The following GGA3 variants were observed in gnomAD, a reference collection of about 807,000 sequenced individuals.
GGA3 encodes golgi associated, gamma adaptin ear containing, ARF binding protein 3, also known as ADP-ribosylation factor-binding protein GGA3.
Under a neutral mutation model 77.5 loss-of-function variants are expected in GGA3, and 57 were observed. The observed-to-expected ratio is 0.74, with a 90% CI of 0.59 to 0.92. The LOEUF (loss-of-function observed/expected upper bound fraction) is 0.92. Among genes scored for constraint, GGA3 ranks in the 40% least tolerant of loss-of-function variants. The probability of loss-of-function intolerance (pLI) is 0.00; values close to 1 mark genes in which losing one functional copy is unlikely to be tolerated. For synonymous variants in GGA3, 416 were observed against 383.7 expected (o/e 1.08, Z -0.98); for missense variants, 970 against 914.9 (o/e 1.06, Z -0.78).
chr17:75,238,112 G>T lies in GGA3; in HGVS notation c.*167C>A. On this transcript the variant is annotated 3_prime_UTR_variant, in exon 17 of 17. Transcript: ENST00000537686. The stretch of plus-strand genomic sequence containing the variant: ...GGTCCTTTTAGGGGCCAAAGGAGAG[G>T]TTATCACAGCAGCAGTTTGGTTCTC... 3.5e-6 allele frequency: 5 copies of T among 1,417,300 alleles called. No homozygotes were observed. Among genetic ancestry groups the T allele is most frequent in the Non-Finnish European group, 4.6e-6 (5 of 1,089,180 alleles). 87.8% of individuals were successfully genotyped at this position (1,417,300 alleles called of 1,614,324 possible).
chr17:75,241,281 A>G, intron 10 of GGA3, 119 bp downstream of exon 10: 1 of 787,154 alleles, frequency 1.3e-6, no homozygotes, highest in Non-Finnish European at 2.1e-6. Context: ...TGGAATGGCA[A>G]AGAACTCCCT....
chr17:75,249,574 G>A (rs1194653011), intron 1 of GGA3, among the ~76,000 whole-genome samples: 1 of 152,186 alleles, frequency 6.6e-6, no homozygotes. Context: ...AGGCATTAGC[G>A]TAGCTCTGTT....
chr17:75,259,189 C>G (rs1222740031), intron 1 of GGA3, among the ~76,000 whole-genome samples: 1 of 152,076 alleles, frequency 6.6e-6, no homozygotes. Flanking sequence ...CTCCTGACCT[C>G]GTGATCCACC....
chr17:75,246,881 T>A, intron 1 of GGA3, 85 bp from the exon 2 acceptor site: 1 of 1,040,354 alleles, frequency 9.6e-7, no homozygotes, highest in Non-Finnish European at 1.5e-6. Flanking sequence ...TTTTAAGCAC[T>A]AAGAGTTTGC....
rs370943364 is a variant in GGA3, at chr17:75,240,420, T to C, written c.1193-8A>G. ...GGGCTGGGTCGGCGAGGCCTGACAA[T>C]AGAGAAGAAAACAGGATGAGAAGAG... On this transcript the variant is annotated splice_polypyrimidine_tract_variant and splice_region_variant and intron_variant, in intron 11 of 16. Transcript: ENST00000537686. 3.4e-5 allele frequency: 54 copies of C among 1,578,980 alleles called. 1 individual carries two copies. Among genetic ancestry groups the C allele is most frequent in the South Asian group, 4.6e-5 (4 of 86,930 alleles).
In GGA3 at chr17:75,246,713, C is replaced by CT; in HGVS notation, c.123dup (p.Gly42ArgfsTer41). 1.2e-6 allele frequency: 2 copies of CT among 1,613,190 alleles called. No individual in the cohort carries two copies. The highest frequency in any genetic ancestry group is 1.7e-6 in the Non-Finnish European group (2 of 1,179,122). ...TGCCCCCACAGTGCTGAGACTCACC[C>CT]TTCCAGCTCCTTGTTGATCTGATCA... is the stretch of plus-strand genomic sequence containing the variant. On this transcript the variant is annotated frameshift_variant and splice_region_variant, in exon 2 of 17. Coordinates refer to ENST00000537686, the MANE Select transcript of GGA3 (RefSeq NM_138619.4). LOFTEE classifies it high-confidence loss of function.
chr17:75,243,372 C>CA, intron 5 of GGA3, 75 bp downstream of exon 5: 2 of 1,584,760 alleles, frequency 1.3e-6, no homozygotes, highest in Non-Finnish European at 1.7e-6. Flanking sequence ...CTGGGGATCC[C>CA]AAACCTTCCC....
rs60470087 is a variant in GGA3 at position 75,257,288 on chromosome 17, C to CCCCCA, written c.40+4259_40+4260insTGGGG. ...ACCAACTTAGACTGTGCCCCCCCCC[C>CCCCCA]CAAAAAAAACCTGTCATCATCCCTA... is the stretch of plus-strand genomic sequence containing the variant. On this transcript the variant is annotated intron_variant, in intron 1 of 16. Coordinates refer to ENST00000537686, the MANE Select transcript of GGA3 (RefSeq NM_138619.4). Among the ~76,000 whole-genome samples, 56 of 133,478 alleles carry CCCCCA rather than the reference C, an allele frequency of 4.2e-4. 1 individual carries two copies. The highest frequency in any genetic ancestry group is 3.0e-3 in the Admixed American group (38 of 12,638). 87.6% of individuals were successfully genotyped at this position (133,478 alleles called of 152,430 possible).
chr17:75,246,118 A>C (rs1487454822), intron 3 of GGA3, among the ~76,000 whole-genome samples: 3 of 152,200 alleles, frequency 2.0e-5, no homozygotes, highest in African/African-American at 7.2e-5. Flanking sequence ...CTACAGAATG[A>C]ACTGGACCGA....
intron 1 of GGA3, among the ~76,000 whole-genome samples, chr17:75,253,573 G>T (rs1229721617): frequency 6.6e-6 from 1 of 151,962 alleles, no homozygotes; most frequent in Non-Finnish European, 1.5e-5. Context: ...CTGCATTTCT[G>T]GGGGAGGGGC....
chr17:75,237,212 G>A lies in GGA3; in HGVS notation c.*1067C>T, dbSNP rs915256548. ...TGGTGACTCAGCTCAAGTGTGGCCC[G>A]ATCTCATCACCTCCAGACCCAACAT... On this transcript the variant is annotated 3_prime_UTR_variant, in exon 17 of 17. Transcript: ENST00000537686. 2.1e-5 allele frequency: 12 copies of A among 576,076 alleles called. No homozygotes were observed. Among genetic ancestry groups the A allele is most frequent in the African/African-American group, 3.7e-5 (2 of 53,412 alleles). The allele number at this position is 576,076 out of a possible 1,614,324, so 35.7% of individuals were successfully genotyped here.
In GGA3 at chr17:75,239,899, G is replaced by T. The variant is rs775770012; in HGVS notation, c.1473C>A (p.Ala491=). 1 of 1,613,544 alleles carries T rather than the reference G, an allele frequency of 6.2e-7. No homozygotes were observed. Among genetic ancestry groups the T allele is most frequent in the Non-Finnish European group, 8.5e-7 (1 of 1,179,740 alleles). Residue 491 remains alanine, a synonymous_variant, in exon 13 of 17, where the codon GCC becomes GCA. Coordinates refer to ENST00000537686, the MANE Select transcript of GGA3 (RefSeq NM_138619.4). ...SSLFSTGVAP[A]LAPKVEPAVP... ...CTGCGGGCTCAACTTTTGGGGCCAAGGCTGGGGCCACTCCAGTAGAAAACA... is the reference window on the plus strand; with the variant it reads ...CTGCGGGCTCAACTTTTGGGGCCAATGCTGGGGCCACTCCAGTAGAAAACA...
intron 3 of GGA3, among the ~76,000 whole-genome samples, chr17:75,245,759 G>A (rs567551643): frequency 1.4e-4 from 21 of 152,044 alleles, no homozygotes; most frequent in Non-Finnish European, 2.6e-4. Flanking sequence ...TCCCTTAAGC[G>A]ATCCTCCCGG....
At chr17:75,250,216 C>A (rs1206709948) in intron 1 of GGA3, among the ~76,000 whole-genome samples, 1 of 152,232 alleles carries the variant, frequency 6.6e-6, no homozygotes, top group Non-Finnish European at 1.5e-5. Flanking sequence ...AGGTGACACC[C>A]GAGCTTCCCC....
At chr17:75,254,048 G>A (rs2077059948) in intron 1 of GGA3, among the ~76,000 whole-genome samples, 1 of 152,152 alleles carries the variant, frequency 6.6e-6, no homozygotes, top group African/African-American at 2.4e-5. Context: ...ATGGTCTGAG[G>A]TGCCTCACAT....
chr17:75,241,954 G>A (rs2076574572), intron 8 of GGA3: 3 of 565,888 alleles, frequency 5.3e-6, no homozygotes, highest in South Asian at 4.1e-5. Context: ...AGGCTGGCAT[G>A]TTCCTCAGAA....
Position 75,242,459 on chromosome 17 carries a change from G to A in GGA3, c.624C>T (p.Ile208=). The A allele has an allele frequency of 6.2e-7, 1 of 1,614,110 alleles. No individual in the cohort carries two copies. Among genetic ancestry groups the A allele is most frequent in the South Asian group, 1.1e-5 (1 of 91,078 alleles). The change falls in exon 8 of 17, where the codon ATC becomes ATT. Residue 208 remains isoleucine, a synonymous_variant. Transcript: ENST00000537686. ...TGTGCAGACGCTTGGTCACCTTCTG[G>A]ATCCGTGCCTCGTCCTGCCCCAGTG... ...KSMVKEDEAR[I]QKVTKRLHTL...
chr17:75,255,837 C>A (rs113233726), intron 1 of GGA3, among the ~76,000 whole-genome samples: 1 of 152,340 alleles, frequency 6.6e-6, no homozygotes, highest in Non-Finnish European at 1.5e-5. Context: ...GCTTTCTTTA[C>A]AATTCCTTTG....
At chr17:75,252,648 C>T (rs1476945111) in intron 1 of GGA3, among the ~76,000 whole-genome samples, 7 of 152,186 alleles carry the variant, frequency 4.6e-5, no homozygotes, top group Non-Finnish European at 7.3e-5. Context: ...CAAGCCAAGC[C>T]ATGGCATCCC....
Sources: allele counts gnomAD v4.1 joint callset (sites outside exome capture counted in the v4.1 genomes callset), GRCh38; gene constraint gnomAD v4.1.1; transcripts MANE v1.5; gene names NCBI Gene and HGNC (gene_info 2026-07-23, HGNC 2026-07-21).